ARMH3: variants seen among roughly 807,000 people sequenced by gnomAD.
ARMH3 encodes armadillo-like helical domain-containing protein 3.
Under a neutral mutation model 99.1 loss-of-function variants are expected in ARMH3, and 60 were observed. That is an observed-to-expected ratio of 0.61 (90% CI 0.49 to 0.75). The LOEUF (loss-of-function observed/expected upper bound fraction) is 0.75. Ranked by LOEUF, ARMH3 falls within the 30% of genes least tolerant of loss-of-function variation. The pLI, the probability that ARMH3 is intolerant of heterozygous loss-of-function variation, is 0.00. For missense variants in ARMH3, 679 were observed against 843.1 expected (o/e 0.81, Z 2.41); for synonymous variants, 285 against 292.8 (o/e 0.97, Z 0.27).
chr10:101,881,991 G>A (rs2067431780), intron 24 of ARMH3, among the ~76,000 whole-genome samples: 1 of 152,076 alleles, frequency 6.6e-6, no homozygotes, highest in African/African-American at 2.4e-5. Flanking sequence ...TAGATCCACT[G>A]GTAAGCTAAC....
chr10:101,931,132 G>A lies in ARMH3; in HGVS notation c.1781+8731C>T, dbSNP rs377703555. Among the ~76,000 whole-genome samples the A allele has an allele frequency of 1.5e-4, 23 of 152,300 alleles. No homozygotes were observed. The East Asian group carries it at 2.7e-3, about 18-fold the overall frequency. On this transcript the variant is annotated intron_variant, in intron 23 of 25. Transcript: ENST00000370033. The stretch of plus-strand genomic sequence containing the variant: ...AAGAAACAAAAAGGAATGGAAATAT[G>A]TAGGAAAAAACGGGAGAGGCTCCAT...
chr10:102,034,695 T>C (rs2067208350), intron 2 of ARMH3, among the ~76,000 whole-genome samples: 2 of 148,930 alleles, frequency 1.3e-5, no homozygotes, highest in Non-Finnish European at 1.5e-5. Flanking sequence ...TGGCATAAAA[T>C]AAGTAGGTCA....
In ARMH3 at chr10:101,975,201, G is replaced by C; in HGVS notation, c.1495+11C>G. ...TAGAAAAAGGAAGATGAATTCAAGAGAGAAAGTTACCTGACCAGAGCTCCC... is the reference window on the plus strand; with the variant it reads ...TAGAAAAAGGAAGATGAATTCAAGACAGAAAGTTACCTGACCAGAGCTCCC... On this transcript the variant is annotated intron_variant, in intron 20 of 25. Coordinates refer to ENST00000370033, the MANE Select transcript of ARMH3 (RefSeq NM_024541.3). 1.2e-6 allele frequency: 2 copies of C among 1,609,306 alleles called. No individual in the cohort carries two copies. The highest frequency in any genetic ancestry group is 1.7e-6 in the Non-Finnish European group (2 of 1,176,580).
At chr10:101,969,642 G>C (rs1845683546) in intron 20 of ARMH3, among the ~76,000 whole-genome samples, 1 of 152,158 alleles carries the variant, frequency 6.6e-6, no homozygotes, top group Non-Finnish European at 1.5e-5. Flanking sequence ...TATCTAAAAG[G>C]TCAGGCCATG....
chr10:101,923,905 T>A (rs1188596097), intron 23 of ARMH3, among the ~76,000 whole-genome samples: 2 of 152,130 alleles, frequency 1.3e-5, no homozygotes, highest in African/African-American at 4.8e-5. Flanking sequence ...AATTCATTCT[T>A]CACAAAGAGC....
chr10:102,006,716 G>C (rs545135141), intron 13 of ARMH3, 83 bp from the exon 14 acceptor site: 98 of 1,313,290 alleles, frequency 7.5e-5, no homozygotes, highest in Non-Finnish European at 9.7e-5. Flanking sequence ...ATAAGGACTG[G>C]TATTCTGGAC....
At chr10:101,888,410 T>G (rs1234395980) in intron 24 of ARMH3, among the ~76,000 whole-genome samples, 2 of 152,172 alleles carry the variant, frequency 1.3e-5, no homozygotes, top group Admixed American at 1.3e-4. Flanking sequence ...GACAGACTAA[T>G]AGAGTCCTAT....
At chr10:102,022,912 G>A (rs2066918864) in intron 8 of ARMH3, among the ~76,000 whole-genome samples, 1 of 151,368 alleles carries the variant, frequency 6.6e-6, no homozygotes, top group African/African-American at 2.4e-5. Flanking sequence ...TTCTAGGCCA[G>A]GTGCGGTGGC....
At chr10:102,029,488 T>C (rs1406854895) in intron 5 of ARMH3, 150 bp downstream of exon 5, 1 of 1,560,110 alleles carries the variant, frequency 6.4e-7, no homozygotes, top group Admixed American at 1.9e-5. Flanking sequence ...AAAGCAAATC[T>C]GTGAAATAAA....
At chr10:101,985,588 C>G (rs960756705) in intron 19 of ARMH3, among the ~76,000 whole-genome samples, 1 of 151,798 alleles carries the variant, frequency 6.6e-6, no homozygotes, top group African/African-American at 2.4e-5. Flanking sequence ...GTGGTGCAAG[C>G]CTGTAGTCCT....
intron 23 of ARMH3, among the ~76,000 whole-genome samples, chr10:101,916,614 AGT>A (rs1299406269): frequency 1.3e-5 from 2 of 152,216 alleles, no homozygotes; most frequent in Non-Finnish European, 2.9e-5. Context: ...TACCCTTTTT[AGT>A]GTTGTAATGG....
At chr10:101,998,174 A>G (rs1362676404) in intron 15 of ARMH3, among the ~76,000 whole-genome samples, 1 of 152,226 alleles carries the variant, frequency 6.6e-6, no homozygotes, top group Non-Finnish European at 1.5e-5. Context: ...CAAGGGCCTC[A>G]GTTCACTGTG....
intron 23 of ARMH3, among the ~76,000 whole-genome samples, chr10:101,908,476 C>T (rs530649350): frequency 6.6e-6 from 1 of 152,280 alleles, no homozygotes; most frequent in South Asian, 2.1e-4. Flanking sequence ...AGCAGCATAG[C>T]TGGCCTCTAC....
At chr10:101,892,653 C>CG (rs2067722460) in intron 23 of ARMH3, among the ~76,000 whole-genome samples, 1 of 152,030 alleles carries the variant, frequency 6.6e-6, no homozygotes, top group African/African-American at 2.4e-5. Flanking sequence ...ATCATAGTAC[C>CG]TGGGAATAGT....
chr10:102,029,372 G>T, intron 5 of ARMH3: 1 of 1,253,618 alleles, frequency 8.0e-7, no homozygotes, highest in Admixed American at 2.6e-5. Context: ...TCTTAAGAAT[G>T]TATGATCATA....
At chr10:102,015,862 G>A (rs563910407) in intron 8 of ARMH3, among the ~76,000 whole-genome samples, 1 of 152,324 alleles carries the variant, frequency 6.6e-6, no homozygotes, top group South Asian at 2.1e-4. Flanking sequence ...GGCTGGGCAC[G>A]GTGGCTCATG....
At chr10:101,989,986 A>G (rs11191170) in intron 19 of ARMH3, among the ~76,000 whole-genome samples, 31,652 of 152,102 alleles carry the variant, frequency 0.21, 4,017 homozygotes, top group Non-Finnish European at 0.29. Flanking sequence ...TGCGATCACT[A>G]TATTCATGTG....
intron 24 of ARMH3, among the ~76,000 whole-genome samples, chr10:101,873,322 G>A (rs1200513666): frequency 6.6e-6 from 1 of 151,796 alleles, no homozygotes; most frequent in Non-Finnish European, 1.5e-5. Context: ...TGAGGCAGGA[G>A]AATCATTTGA....
At chr10:101,849,714 T>C in intron 25 of ARMH3, 62 bp downstream of exon 25, 1 of 1,414,238 alleles carries the variant, frequency 7.1e-7, no homozygotes, top group Non-Finnish European at 9.9e-7. Flanking sequence ...GCAGATAAAC[T>C]GCAGAACCCA....
Sources: gnomAD v4.1 joint callset for allele counts (sites outside exome capture counted in the v4.1 genomes callset) on GRCh38, gnomAD v4.1.1 for gene constraint, MANE v1.5 for transcripts, NCBI Gene and HGNC (gene_info 2026-07-23, HGNC 2026-07-21) for gene names.